Variants in SUMF1 observed in about 807,000 individuals in gnomAD.
SUMF1 encodes the protein sulfatase modifying factor 1, also known as formylglycine-generating enzyme.
Under a neutral mutation model 47.6 loss-of-function variants are expected in SUMF1, and 48 were observed. That is an observed-to-expected ratio of 1.01 (90% confidence interval 0.80 to 1.28). The LOEUF (loss-of-function observed/expected upper bound fraction) is 1.28, where lower values mean the gene tolerates loss of function less well. Among genes scored for constraint, SUMF1 ranks in the 50% most tolerant of loss-of-function variants. The pLI is 0.00. For synonymous variants in SUMF1, 230 were observed against 192.1 expected, an observed-to-expected ratio of 1.20 and a Z score of -1.63; for missense variants, 571 against 485.4, an observed-to-expected ratio of 1.18 and a Z score of -1.66.
intron 8 of SUMF1, among the ~76,000 whole-genome samples, chr3:4,324,245 A>G (rs929218307): frequency 6.6e-6 from 1 of 152,184 alleles, no homozygotes; most frequent in African/African-American, 2.4e-5. Flanking sequence ...AAAGACCTAC[A>G]CTGACTGAAG....
chr3:4,449,176 G>A, intron 3 of SUMF1, 90 bp downstream of exon 3: 2 of 1,353,318 alleles, frequency 1.5e-6, no homozygotes, highest in Non-Finnish European at 2.1e-6. Context: ...TACAGGGAGA[G>A]GAAGGTGACA....
At chr3:4,034,977 C>G (rs1694766984) in intron 9 of SUMF1, among the ~76,000 whole-genome samples, 1 of 151,668 alleles carries the variant, frequency 6.6e-6, no homozygotes, top group African/African-American at 2.4e-5. Flanking sequence ...CCAAGGTCAG[C>G]AAAGGCACAA....
chr3:4,152,456 CT>C (rs1206525272), intron 8 of SUMF1, among the ~76,000 whole-genome samples: 48 of 145,220 alleles, frequency 3.3e-4, no homozygotes, highest in Middle Eastern at 3.5e-3. Flanking sequence ...CCCGGATTTG[CT>C]TTTTTTTTTT....
intron 8 of SUMF1, among the ~76,000 whole-genome samples, chr3:4,287,943 A>G (rs1697667119): frequency 1.3e-5 from 2 of 152,242 alleles, no homozygotes; most frequent in African/African-American, 4.8e-5. Context: ...TGGATAATTA[A>G]TGCTACTGCT....
chr3:4,421,628 C>A (rs78237025), intron 3 of SUMF1, among the ~76,000 whole-genome samples: 4 of 152,056 alleles, frequency 2.6e-5, no homozygotes, highest in South Asian at 2.1e-4. Flanking sequence ...CACAGGTGTG[C>A]GCCACAATGC....
chr3:4,165,682 C>T (rs1694683243), intron 8 of SUMF1, among the ~76,000 whole-genome samples: 2 of 152,012 alleles, frequency 1.3e-5, no homozygotes, highest in South Asian at 4.1e-4. Context: ...CATTTTTCCC[C>T]ATCAGAGAGA....
chr3:4,198,046 C>G (rs950327221), intron 8 of SUMF1, among the ~76,000 whole-genome samples: 15 of 48,802 alleles, frequency 3.1e-4, no homozygotes, highest in African/African-American at 1.1e-3. Context: ...TTTTTTTTTT[C>G]GGAAAGAGAG....
At chr3:4,315,095 C>G (rs1048136434) in intron 8 of SUMF1, among the ~76,000 whole-genome samples, 1 of 152,100 alleles carries the variant, frequency 6.6e-6, no homozygotes, top group Non-Finnish European at 1.5e-5. Flanking sequence ...ACAAATGGTA[C>G]TAGAGTACAC....
intron 3 of SUMF1, among the ~76,000 whole-genome samples, chr3:4,428,159 G>A (rs1234596891): frequency 6.6e-6 from 1 of 152,084 alleles, no homozygotes; most frequent in Non-Finnish European, 1.5e-5. Flanking sequence ...TTGAATAAAT[G>A]TCTGCCCTTT....
Position 4,466,956 on chromosome 3 carries a change from C to A in SUMF1, c.270+20G>T. On this transcript the variant is annotated intron_variant, in intron 1 of 8. Transcript: ENST00000272902. ...GGAACCGAGCAGCCCCCACCCGCCT[C>A]GGAGGAATCGATGGAGCACCTTTGA... The A allele has an allele frequency of 6.2e-7, 1 of 1,604,622 alleles. No individual in the cohort carries two copies. Among genetic ancestry groups the A allele is most frequent in the Admixed American group, 1.7e-5 (1 of 58,944 alleles).
At chr3:4,139,628 T>C (rs781046264) in intron 8 of SUMF1, among the ~76,000 whole-genome samples, 3 of 151,502 alleles carry the variant, frequency 2.0e-5, no homozygotes, top group African/African-American at 4.8e-5. Flanking sequence ...GAGCCAGTTG[T>C]TAATCATTTA....
intron 8 of SUMF1, among the ~76,000 whole-genome samples, chr3:4,143,506 A>G (rs909715160): frequency 2.0e-5 from 3 of 152,158 alleles, no homozygotes; most frequent in African/African-American, 7.2e-5. Context: ...TGATATTCCA[A>G]TGGGCCCGAA....
At chr3:4,296,496 C>T (rs1413923572) in intron 8 of SUMF1, among the ~76,000 whole-genome samples, 3 of 152,134 alleles carry the variant, frequency 2.0e-5, no homozygotes, top group Non-Finnish European at 4.4e-5. Flanking sequence ...GCCTCACAAT[C>T]ATGGTGGAAG....
intron 7 of SUMF1, among the ~76,000 whole-genome samples, chr3:4,408,395 T>C (rs547110943): frequency 1.6e-4 from 25 of 152,356 alleles, no homozygotes; most frequent in Non-Finnish European, 3.1e-4. Context: ...TACACAGTTA[T>C]CTATTACACT....
chr3:4,129,499 T>C (rs1293863758), intron 8 of SUMF1, among the ~76,000 whole-genome samples: 1 of 152,110 alleles, frequency 6.6e-6, no homozygotes, highest in Non-Finnish European at 1.5e-5. Flanking sequence ...CAGTGAATCA[T>C]GGCCCCTCAA....
At chr3:4,264,483 G>T (rs946172177) in intron 8 of SUMF1, among the ~76,000 whole-genome samples, 6 of 152,330 alleles carry the variant, frequency 3.9e-5, no homozygotes, top group African/African-American at 1.4e-4. Context: ...GGATGTTTCT[G>T]TAATTCTCAG....
Position 4,453,041 on chromosome 3 carries a change from G to T in SUMF1, c.279C>A (p.Pro93=), listed in dbSNP as rs1224114746. Residue 93 remains proline, a synonymous_variant, in exon 2 of 9, where the codon CCC becomes CCA. Transcript: ENST00000272902. The stretch of plus-strand genomic sequence containing the variant: ...CCATTGTAAATACTCCAGCAGGGAT[G>T]GGGACCATCTACAATGAAAGGTGAA... The part of the protein sequence containing the change: ...ERQLAHSKMV[P]IPAGVFTMGT... 3 of 1,612,972 alleles carry T rather than the reference G, an allele frequency of 1.9e-6. No homozygotes were observed. The Admixed American group carries it at 5.0e-5, about 27-fold the overall frequency.
intron 7 of SUMF1, among the ~76,000 whole-genome samples, chr3:4,388,258 C>T (rs1700737464): frequency 6.6e-6 from 1 of 152,154 alleles, no homozygotes; most frequent in South Asian, 2.1e-4. Flanking sequence ...TTCTCTGGGG[C>T]ATACACAGTA....
intron 8 of SUMF1, among the ~76,000 whole-genome samples, chr3:4,281,902 C>CA (rs1013387341): frequency 6.6e-6 from 1 of 151,578 alleles, no homozygotes; most frequent in Non-Finnish European, 1.5e-5. Context: ...ACTTCCTCTT[C>CA]AAAAAAACAA....
Sources: gnomAD v4.1 joint callset for allele counts (sites outside exome capture counted in the v4.1 genomes callset) on GRCh38, gnomAD v4.1.1 for gene constraint, MANE v1.5 for transcripts, NCBI Gene and HGNC (gene_info 2026-07-23, HGNC 2026-07-21) for gene names.